The following ORC3 variants were observed in gnomAD, a reference collection of about 807,000 sequenced individuals.
ORC3 encodes the protein homolog of latheo, Drosophila.
Under a neutral mutation model 100.7 loss-of-function variants are expected in ORC3, and 78 were observed. The ratio of observed to expected loss-of-function variants is 0.77; its 90% confidence interval spans 0.65 to 0.94. ORC3 has a LOEUF of 0.94. Among genes scored for constraint, ORC3 ranks in the 40% least tolerant of loss-of-function variants. The pLI, the probability that ORC3 is intolerant of heterozygous loss-of-function variation, is 0.00. For synonymous variants in ORC3, 295 were observed against 289.3 expected, an observed-to-expected ratio of 1.02 and a Z score of -0.20; for missense variants, 789 against 823.9, an observed-to-expected ratio of 0.96 and a Z score of 0.52.
chr6:87,630,010 AT>A (rs941778345), intron 11 of ORC3, among the ~76,000 whole-genome samples: 11 of 152,192 alleles, frequency 7.2e-5, no homozygotes, highest in African/African-American at 2.7e-4. Flanking sequence ...TTAAACATAC[AT>A]TTAAAAAAAA....
chr6:87,663,609 T>C (rs1042496132), intron 17 of ORC3, among the ~76,000 whole-genome samples: 9 of 152,224 alleles, frequency 5.9e-5, no homozygotes, highest in Admixed American at 2.0e-4. Flanking sequence ...TCTGAGAGCA[T>C]CTGCAGAGCT....
At chr6:87,673,929 T>C in the ORC3 span, among the ~76,000 whole-genome samples, 7 of 152,246 alleles carry the variant, frequency 4.6e-5, no homozygotes, top group African/African-American at 1.4e-4. Flanking sequence ...CTAATTGGCA[T>C]ATAAATTGCC....
chr6:87,620,787 C>G (rs188203067), intron 9 of ORC3, among the ~76,000 whole-genome samples: 1 of 152,138 alleles, frequency 6.6e-6, no homozygotes, highest in Non-Finnish European at 1.5e-5. Flanking sequence ...AAATTGTCTT[C>G]CCTTCTACCA....
Position 87,590,164 on chromosome 6 carries a change from A to G in ORC3, c.-5A>G, listed in dbSNP as rs1212964950. 4 of 1,614,086 alleles carry G rather than the reference A, an allele frequency of 2.5e-6. No homozygotes were observed. Among genetic ancestry groups the G allele is most frequent in the Admixed American group, 1.7e-5 (1 of 60,016 alleles). On this transcript the variant is annotated 5_prime_UTR_variant, in exon 1 of 20. Transcript: ENST00000392844. ...GCATCTGGAATACGCAGAGTCAGTAAGACCATGGCTACGTCCTCGATGTCT... is the reference window on the plus strand; with the variant it reads ...GCATCTGGAATACGCAGAGTCAGTAGGACCATGGCTACGTCCTCGATGTCT...
At chr6:87,657,779 C>A in intron 15 of ORC3, 142 bp from the exon 16 acceptor site, 1 of 490,392 alleles carries the variant, frequency 2.0e-6, no homozygotes, top group South Asian at 4.1e-5. Flanking sequence ...AAAGAATAAA[C>A]AAAACCCATT....
Position 87,634,838 on chromosome 6 carries a change from T to A in ORC3, c.1186-7T>A. ...TACATATTAATAATATATTCTGTGA[T>A]TTTTAGGAGGAAACACAATTATTAC... On this transcript the variant is annotated splice_region_variant and splice_polypyrimidine_tract_variant and intron_variant, in intron 11 of 19. Coordinates refer to ENST00000392844, the MANE Select transcript of ORC3 (RefSeq NM_012381.4). The A allele has an allele frequency of 7.7e-7, 1 of 1,305,470 alleles. No homozygotes were observed. The highest frequency in any genetic ancestry group is 1.1e-6 in the Non-Finnish European group (1 of 900,038). 80.9% of individuals were successfully genotyped at this position (1,305,470 alleles called of 1,614,324 possible).
chr6:87,674,302 CAAAAAAAAAA>C, the ORC3 span, among the ~76,000 whole-genome samples: 10 of 87,144 alleles, frequency 1.1e-4, no homozygotes, highest in East Asian at 3.1e-3. Flanking sequence ...AACTCTATCT[CAAAAAAAAAA>C]AAAAAAAAAA....
chr6:87,624,341 G>A (rs1274152198), intron 11 of ORC3, among the ~76,000 whole-genome samples: 1 of 151,982 alleles, frequency 6.6e-6, no homozygotes, highest in Non-Finnish European at 1.5e-5. Context: ...AAAATTAGCC[G>A]GGCATAGTGG....
At chr6:87,600,499 A>AT (rs1168079307) in intron 2 of ORC3, among the ~76,000 whole-genome samples, 3 of 152,146 alleles carry the variant, frequency 2.0e-5, no homozygotes, top group Non-Finnish European at 4.4e-5. Flanking sequence ...AGTGGCTTAA[A>AT]TTTTTTTGAA....
chr6:87,632,121 G>A (rs982648121), intron 11 of ORC3, among the ~76,000 whole-genome samples: 3 of 152,060 alleles, frequency 2.0e-5, no homozygotes, highest in African/African-American at 2.4e-5. Context: ...CTGAGATCAC[G>A]CCACTGCACT....
intron 2 of ORC3, among the ~76,000 whole-genome samples, chr6:87,595,643 G>C (rs1159278249): frequency 6.6e-6 from 1 of 151,982 alleles, no homozygotes; most frequent in African/African-American, 2.4e-5. Flanking sequence ...AAGCACCAGG[G>C]TCCCACACAG....
intron 1 of ORC3, among the ~76,000 whole-genome samples, chr6:87,590,945 G>T (rs1420911151): frequency 6.6e-6 from 1 of 152,186 alleles, no homozygotes; most frequent in Non-Finnish European, 1.5e-5. Flanking sequence ...CTACCTAGAT[G>T]GCAAGAAATT....
Position 87,590,183 on chromosome 6 carries a change from G to C in ORC3, c.15G>C (p.Ser5=). ...TCAGTAAGACCATGGCTACGTCCTC[G>C]ATGTCTAAGGTATGTGGTGGCCGAT... MATS[S]MSKGCFVFKP... The change falls in exon 1 of 20, where the codon TCG becomes TCC. Residue 5 remains serine (S), a synonymous_variant. Transcript: ENST00000392844. 6.2e-7 allele frequency: 1 copy of C among 1,614,092 alleles called. No individual in the cohort carries two copies. The highest frequency in any genetic ancestry group is 8.5e-7 in the Non-Finnish European group (1 of 1,179,906).
the ORC3 span, chr6:87,675,360 C>G: frequency 5.5e-6 from 3 of 548,344 alleles, no homozygotes; most frequent in South Asian, 8.7e-5. Context: ...TGTAATGATA[C>G]AGCAAAATGA....
At chr6:87,672,038 T>G (rs1459793173), downstream of ORC3, among the ~76,000 whole-genome samples, 1 of 152,176 alleles carries the variant, frequency 6.6e-6, no homozygotes, top group African/African-American at 2.4e-5. Flanking sequence ...ACAGGCCTAG[T>G]ATTTCCAGAA....
intron 4 of ORC3, among the ~76,000 whole-genome samples, chr6:87,605,468 T>G (rs913072013): frequency 6.6e-5 from 10 of 152,152 alleles, no homozygotes; most frequent in African/African-American, 2.4e-4. Context: ...CTGGCCAACG[T>G]GGTGAAACCC....
At chr6:87,664,940 G>T (rs28381546) in intron 18 of ORC3, 81 bp downstream of exon 18, 12,417 of 803,302 alleles carry the variant, frequency 0.015, 177 homozygotes, top group Non-Finnish European at 0.018. Flanking sequence ...TATACTTTTA[G>T]TGCTTTGGAA....
chr6:87,655,452 A>G (rs1562378348), intron 14 of ORC3, among the ~76,000 whole-genome samples: 2 of 151,684 alleles, frequency 1.3e-5, no homozygotes, highest in Admixed American at 1.3e-4. Flanking sequence ...CCCAGGCTCA[A>G]GTGATCCTCC....
At chr6:87,606,804 T>C (rs1170800959) in intron 5 of ORC3, among the ~76,000 whole-genome samples, 1 of 152,202 alleles carries the variant, frequency 6.6e-6, no homozygotes, top group African/African-American at 2.4e-5. Context: ...TCCTCCTGCC[T>C]TGGCTTCCCA....
Sources: allele counts gnomAD v4.1 joint callset (sites outside exome capture counted in the v4.1 genomes callset), GRCh38; gene constraint gnomAD v4.1.1; transcripts MANE v1.5; gene names NCBI Gene and HGNC (gene_info 2026-07-23, HGNC 2026-07-21).